HIPK2: variants seen among roughly 807,000 people sequenced by gnomAD.
HIPK2 encodes homeodomain interacting protein kinase 2.
HIPK2 carries 27 observed loss-of-function variants against 113.7 expected under a neutral mutation model. That is an observed-to-expected ratio of 0.24 (90% CI 0.17 to 0.33). HIPK2 has a LOEUF of 0.33. Ranked by LOEUF, HIPK2 falls within the 10% of genes least tolerant of loss-of-function variation. The pLI, the probability that HIPK2 is intolerant of heterozygous loss-of-function variation, is 1.00. For missense variants in HIPK2, 1,257 were observed against 1,588.0 expected, an observed-to-expected ratio of 0.79 and a Z score of 3.54; for synonymous variants, 631 against 642.2, an observed-to-expected ratio of 0.98 and a Z score of 0.26.
rs1799386240 is a variant in HIPK2, at chr7:139,600,522, A to G, written c.2330T>C (p.Leu777Pro). The change falls in exon 11 of 15, where the codon CTT (leucine) becomes CCT (proline). Residue 777 changes from leucine (L) to proline (P), a missense_variant. Transcript: ENST00000406875. ...QPALLTGHVTLPAAQPLNVGV... is the reference protein window; with the variant it reads ...QPALLTGHVTPPAAQPLNVGV... ...CACATTTAAGGGCTGTGCTGCTGGA[A>G]GGGTCACATGACCGGTCAATAGTGC... 1 of 1,614,052 alleles carries G rather than the reference A, an allele frequency of 6.2e-7. No homozygotes were observed. The highest frequency in any genetic ancestry group is 8.5e-7 in the Non-Finnish European group (1 of 1,179,902).
At chr7:139,703,789 ACACACACACCC>A (rs1326721337) in intron 2 of HIPK2, among the ~76,000 whole-genome samples, 2 of 123,452 alleles carry the variant, frequency 1.6e-5, no homozygotes, top group Non-Finnish European at 3.4e-5. Context: ...AACACACACC[ACACACACACCC>A]CACACCCCAC....
intron 1 of HIPK2, among the ~76,000 whole-genome samples, chr7:139,725,942 C>T (rs774254388): frequency 9.9e-5 from 15 of 152,190 alleles, no homozygotes; most frequent in African/African-American, 2.9e-4. Flanking sequence ...CACCAAACAA[C>T]GAGATGAGTC....
rs957282530 is a variant in HIPK2, at chr7:139,620,404, G to A, written c.1779C>T (p.Asn593=). The A allele has an allele frequency of 1.9e-6, 3 of 1,613,814 alleles. No homozygotes were observed. Among genetic ancestry groups the A allele is most frequent in the Non-Finnish European group, 2.5e-6 (3 of 1,179,878 alleles). The part of the protein sequence containing the change: ...TFNNQLTTVH[N]QAPSSTSATI... ...TTCCCTTCTGTTTCCCACTTACCTG[G>A]TTGTGGACAGTGGTCAGCTGGTTGT... The change falls in exon 7 of 15, where the codon AAC becomes AAT. Residue 593 remains asparagine, a synonymous_variant. Transcript: ENST00000406875.
intron 1 of HIPK2, among the ~76,000 whole-genome samples, chr7:139,766,465 C>T (rs1796554755): frequency 6.6e-6 from 1 of 152,226 alleles, no homozygotes; most frequent in African/African-American, 2.4e-5. Flanking sequence ...CCTCACTTGA[C>T]CCTGTTTGAT....
At chr7:139,621,807 C>T (rs1252536122) in intron 6 of HIPK2, among the ~76,000 whole-genome samples, 1 of 151,148 alleles carries the variant, frequency 6.6e-6, no homozygotes, top group East Asian at 1.9e-4. Context: ...CGCATGGTCC[C>T]AGCTACTTAG....
At position 139,647,531 on chromosome 7, in the gene HIPK2, T is replaced by C. The variant is rs77385457; in HGVS notation, c.1104-15806A>G. Among the ~76,000 whole-genome samples, 156 of 152,338 alleles carry C rather than the reference T, an allele frequency of 1.0e-3. 3 individuals carry two copies. In the East Asian group the frequency reaches 0.013, roughly 13 times the overall value. ...ATGGTGAAATGTGAATAGAAACCTA[T>C]AAAGCTCCACTTTTTAATAGGAGAA... On this transcript the variant is annotated intron_variant, in intron 2 of 14. Coordinates refer to ENST00000406875, the MANE Select transcript of HIPK2 (RefSeq NM_022740.5).
rs1220110188 is a variant in HIPK2 at position 139,714,197 on chromosome 7, C to T, written c.1103+1735G>A. 6.6e-6 allele frequency among the ~76,000 whole-genome samples: 1 copy of T among 152,170 alleles called. No individual in the cohort carries two copies. The highest frequency in any genetic ancestry group is 6.5e-5 in the Admixed American group (1 of 15,280). ...ATAGGAAATGAGCGGGAAAGGAATC[C>T]TCAGGGCAGGGCAGAGAAGAGGCTC... On this transcript the variant is annotated intron_variant, in intron 2 of 14. Coordinates refer to ENST00000406875, the MANE Select transcript of HIPK2 (RefSeq NM_022740.5). This position sits in a 1 kb window ranked among gnomAD's most constrained non-coding sequence, Gnocchi z 4.2.
chr7:139,621,924 G>GAAAA (rs765904905), intron 6 of HIPK2, among the ~76,000 whole-genome samples: 76 of 83,998 alleles, frequency 9.0e-4, no homozygotes, highest in African/African-American at 2.2e-3. Context: ...CCCTGTCTCA[G>GAAAA]GAAAAAAAAA....
rs1219234638 is a variant in HIPK2, at chr7:139,683,583, G to C, written c.1103+32349C>G. Reference sequence around the variant, plus strand: ...TTGGAAGTGAAACACCGTCATTTCTGCCAGATTCTCTGGGTCACACAGACC... The same window carrying C: ...TTGGAAGTGAAACACCGTCATTTCTCCCAGATTCTCTGGGTCACACAGACC... On this transcript the variant is annotated intron_variant, in intron 2 of 14. Coordinates refer to ENST00000406875, the MANE Select transcript of HIPK2 (RefSeq NM_022740.5). This position sits in a 1 kb window ranked among gnomAD's most constrained non-coding sequence, Gnocchi z 4.2. Among the ~76,000 whole-genome samples the C allele has an allele frequency of 6.6e-6, 1 of 152,168 alleles. No homozygotes were observed. The highest frequency in any genetic ancestry group is 1.5e-5 in the Non-Finnish European group (1 of 68,040).
At chr7:139,703,452 C>G (rs1794771037) in intron 2 of HIPK2, among the ~76,000 whole-genome samples, 1 of 152,036 alleles carries the variant, frequency 6.6e-6, no homozygotes, top group Non-Finnish European at 1.5e-5. Flanking sequence ...ACGAGAAATC[C>G]TTCATGGAGG....
intron 12 of HIPK2, among the ~76,000 whole-genome samples, chr7:139,588,891 G>A (rs1476023504): frequency 2.6e-5 from 4 of 152,222 alleles, no homozygotes; most frequent in Non-Finnish European, 1.5e-5. Context: ...ACTGGGAGCA[G>A]CTGCTGGCTC....
chr7:139,655,354 G>A (rs1329401707), intron 2 of HIPK2, among the ~76,000 whole-genome samples: 1 of 152,242 alleles, frequency 6.6e-6, no homozygotes, highest in Non-Finnish European at 1.5e-5. Context: ...GACGTAAGTT[G>A]CAGTGGAGCC....
chr7:139,584,810 GGGCCT>G (rs1300228837), intron 12 of HIPK2, among the ~76,000 whole-genome samples: 1 of 152,202 alleles, frequency 6.6e-6, no homozygotes, highest in African/African-American at 2.4e-5. Context: ...TATTGCACCG[GGGCCT>G]GGTGGGAAGG....
intron 1 of HIPK2, among the ~76,000 whole-genome samples, chr7:139,739,845 C>T (rs983516505): frequency 6.6e-5 from 10 of 152,172 alleles, no homozygotes; most frequent in African/African-American, 2.4e-4. Context: ...TTTTGCTTAA[C>T]ATAAAATTTT....
intron 1 of HIPK2, among the ~76,000 whole-genome samples, chr7:139,776,319 T>C (rs1475979793): frequency 1.3e-5 from 2 of 152,228 alleles, no homozygotes; most frequent in Non-Finnish European, 2.9e-5. Context: ...CTATAGGTTA[T>C]TTACAGCCTC....
intron 1 of HIPK2, among the ~76,000 whole-genome samples, chr7:139,775,178 A>T (rs552833574): frequency 1.3e-5 from 2 of 152,184 alleles, no homozygotes; most frequent in South Asian, 4.1e-4. Context: ...TCTTATAGAA[A>T]TCTACAGGAA....
intron 1 of HIPK2, among the ~76,000 whole-genome samples, chr7:139,730,238 G>A (rs540455240): frequency 2.0e-5 from 3 of 152,290 alleles, no homozygotes; most frequent in South Asian, 4.1e-4. Flanking sequence ...CAGCTGAGGT[G>A]CCTTTTTGAG....
chr7:139,579,972 CTG>C (rs1463822887), intron 13 of HIPK2, among the ~76,000 whole-genome samples: 1 of 152,224 alleles, frequency 6.6e-6, no homozygotes, highest in East Asian at 1.9e-4. Flanking sequence ...CGACCCAACA[CTG>C]TGCCCAAGCC....
At chr7:139,578,095 C>T (rs891171831) in intron 13 of HIPK2, among the ~76,000 whole-genome samples, 5 of 151,970 alleles carry the variant, frequency 3.3e-5, no homozygotes, top group East Asian at 3.9e-4. Context: ...CTGCAGCCTC[C>T]GCCTCCCGGG....
Sources: allele counts gnomAD v4.1 joint callset (sites outside exome capture counted in the v4.1 genomes callset), GRCh38; gene constraint gnomAD v4.1.1; non-coding constraint Gnocchi (gnomAD v3.1); transcripts MANE v1.5; gene names NCBI Gene and HGNC (gene_info 2026-07-23, HGNC 2026-07-21).